Variants in SHISA6 observed in about 807,000 individuals in gnomAD.
SHISA6 encodes shisa family member 6, also known as protein shisa-6.
A neutral mutation model predicts 47.9 loss-of-function variants in SHISA6; 22 were observed. That is an observed-to-expected ratio of 0.46 (90% CI 0.33 to 0.66). The LOEUF (loss-of-function observed/expected upper bound fraction) is 0.66, where lower values mean the gene tolerates loss of function less well. SHISA6 is among the 30% of genes least tolerant of loss of function. The pLI, the probability that SHISA6 is intolerant of heterozygous loss-of-function variation, is 0.02. For missense variants in SHISA6, 680 were observed against 764.6 expected (o/e 0.89, Z 1.30); for synonymous variants, 388 against 337.8 (o/e 1.15, Z -1.63).
chr17:11,320,669 AAGAGAG>A (rs59186157), intron 2 of SHISA6, among the ~76,000 whole-genome samples: 15 of 48,982 alleles, frequency 3.1e-4, no homozygotes, highest in East Asian at 8.4e-4. Context: ...CAAAAAAAAA[AAGAGAG>A]AGAGAGAGAG....
chr17:11,411,599 G>A (rs575013537), intron 3 of SHISA6, among the ~76,000 whole-genome samples: 16 of 151,868 alleles, frequency 1.1e-4, no homozygotes, highest in African/African-American at 3.9e-4. Context: ...ATTTCACCAT[G>A]TTGGTCAGGC....
At chr17:11,363,466 TC>T (rs1912350959) in intron 2 of SHISA6, among the ~76,000 whole-genome samples, 1 of 152,218 alleles carries the variant, frequency 6.6e-6, no homozygotes, top group African/African-American at 2.4e-5. Context: ...TTCTCAGTTT[TC>T]TACTGAAAGA....
chr17:11,464,509 A>G (rs1043625465), intron 3 of SHISA6, among the ~76,000 whole-genome samples: 2 of 152,160 alleles, frequency 1.3e-5, no homozygotes, highest in African/African-American at 4.8e-5. Flanking sequence ...TTTCTTGTCC[A>G]TGCAGGCCCC....
intron 3 of SHISA6, among the ~76,000 whole-genome samples, chr17:11,428,154 A>G (rs1439725873): frequency 6.6e-6 from 1 of 152,182 alleles, no homozygotes; most frequent in African/African-American, 2.4e-5. Context: ...CCTTTTACAC[A>G]CAGCAACGCT....
intron 2 of SHISA6, among the ~76,000 whole-genome samples, chr17:11,267,488 G>A (rs892889647): frequency 2.6e-5 from 4 of 152,266 alleles, no homozygotes; most frequent in East Asian, 1.9e-4. Context: ...AAATACCAAT[G>A]CCTGCCCCCA....
intron 2 of SHISA6, among the ~76,000 whole-genome samples, chr17:11,306,829 C>A (rs1435977325): frequency 5.9e-5 from 9 of 152,208 alleles, no homozygotes; most frequent in Admixed American, 5.9e-4. Context: ...TCTGCTTTAT[C>A]CTTTGCTTCT....
chr17:11,533,594 T>TA (rs1555543001), intron 3 of SHISA6, among the ~76,000 whole-genome samples: 8 of 140,824 alleles, frequency 5.7e-5, no homozygotes, highest in African/African-American at 1.3e-4. Context: ...ATTATTTTTT[T>TA]TTTTTTTTTT....
intron 2 of SHISA6, among the ~76,000 whole-genome samples, chr17:11,292,369 A>C (rs574051577): frequency 6.6e-6 from 1 of 152,052 alleles, no homozygotes; most frequent in Non-Finnish European, 1.5e-5. Context: ...TTATGGCTTG[A>C]TAGGTGCAGG....
In SHISA6 at chr17:11,385,519, C is replaced by T. The variant is rs531658426; in HGVS notation, c.895+6010C>T. Among the ~76,000 whole-genome samples the T allele has an allele frequency of 2.6e-5, 4 of 152,224 alleles. No homozygotes were observed. In the South Asian group the frequency reaches 6.2e-4, roughly 24 times the overall value. On this transcript the variant is annotated intron_variant, in intron 3 of 5. Coordinates refer to ENST00000441885, the MANE Select transcript of SHISA6 (RefSeq NM_207386.4). Reference sequence around the variant, plus strand: ...ACCAGATTTTAGGCAGAGATCAGGACGCATACGAATTCAGTGTGTCTTCAT... The same window carrying T: ...ACCAGATTTTAGGCAGAGATCAGGATGCATACGAATTCAGTGTGTCTTCAT...
intron 2 of SHISA6, among the ~76,000 whole-genome samples, chr17:11,274,529 ACCAGGAGGGAGAG>A (rs140299641): frequency 0.055 from 8,444 of 152,234 alleles, 756 homozygotes; most frequent in African/African-American, 0.19. Context: ...TGGAGCTCTC[ACCAGGAGGGAGAG>A]CCCAGCCTCC....
intron 2 of SHISA6, among the ~76,000 whole-genome samples, chr17:11,318,748 C>G (rs144555666): frequency 6.6e-6 from 1 of 152,300 alleles, no homozygotes; most frequent in Admixed American, 6.5e-5. Context: ...ATTTGATAAA[C>G]GTTTATTAAA....
At chr17:11,442,059 A>T (rs550505621) in intron 3 of SHISA6, among the ~76,000 whole-genome samples, 1 of 152,102 alleles carries the variant, frequency 6.6e-6, no homozygotes. Flanking sequence ...GTCTTCCATT[A>T]TCCTTTTTCT....
At chr17:11,545,797 G>C (rs2071878228) in intron 3 of SHISA6, among the ~76,000 whole-genome samples, 1 of 152,214 alleles carries the variant, frequency 6.6e-6, no homozygotes. Flanking sequence ...TGAGACCTCA[G>C]CTGGGAATAT....
intron 2 of SHISA6, among the ~76,000 whole-genome samples, chr17:11,287,317 A>C (rs565353273): frequency 1.3e-5 from 2 of 151,658 alleles, no homozygotes; most frequent in African/African-American, 4.8e-5. Flanking sequence ...AAGGGAAGCT[A>C]CTCATAATTT....
intron 2 of SHISA6, among the ~76,000 whole-genome samples, chr17:11,323,369 CAT>C (rs915540922): frequency 6.6e-6 from 1 of 152,072 alleles, no homozygotes; most frequent in African/African-American, 2.4e-5. Flanking sequence ...AATAATAACA[CAT>C]GAGCCGGGCA....
At chr17:11,535,433 G>A (rs2071778523) in intron 3 of SHISA6, among the ~76,000 whole-genome samples, 1 of 152,232 alleles carries the variant, frequency 6.6e-6, no homozygotes, top group Non-Finnish European at 1.5e-5. Context: ...CAAGAATGCT[G>A]TCAGCAGGGA....
intron 3 of SHISA6, among the ~76,000 whole-genome samples, chr17:11,474,961 G>T (rs750679020): frequency 1.3e-5 from 2 of 152,024 alleles, no homozygotes; most frequent in Non-Finnish European, 2.9e-5. Context: ...TGACATTATT[G>T]AATCTATCCA....
chr17:11,555,600 T>A, intron 4 of SHISA6, 140 bp from the exon 5 acceptor site: 1 of 978,086 alleles, frequency 1.0e-6, no homozygotes, highest in East Asian at 2.9e-5. Context: ...TGAGGGAAAC[T>A]GAGTCAATAG....
At chr17:11,530,800 A>C (rs2071725703) in intron 3 of SHISA6, among the ~76,000 whole-genome samples, 1 of 152,232 alleles carries the variant, frequency 6.6e-6, no homozygotes, top group Non-Finnish European at 1.5e-5. Flanking sequence ...AATTTTTCAC[A>C]AACAAAGCTA....
Sources: gnomAD v4.1 joint callset for allele counts (sites outside exome capture counted in the v4.1 genomes callset) on GRCh38, gnomAD v4.1.1 for gene constraint, MANE v1.5 for transcripts, NCBI Gene and HGNC (gene_info 2026-07-23, HGNC 2026-07-21) for gene names.